HS6ST3: variants seen among roughly 807,000 people sequenced by gnomAD.
The protein encoded by HS6ST3 is heparan-sulfate 6-O-sulfotransferase 3.
Under a neutral mutation model 36.7 loss-of-function variants are expected in HS6ST3, and 12 were observed. That is an observed-to-expected ratio of 0.33 (90% confidence interval 0.21 to 0.53). The LOEUF is 0.53. HS6ST3 is among the 20% of genes least tolerant of loss of function. The pLI, the probability that HS6ST3 is intolerant of heterozygous loss-of-function variation, is 0.95. For synonymous variants in HS6ST3, 240 were observed against 257.5 expected, an observed-to-expected ratio of 0.93 and a Z score of 0.65; for missense variants, 584 against 640.9, an observed-to-expected ratio of 0.91 and a Z score of 0.96.
rs138431827 is a variant in HS6ST3 at position 96,655,696 on chromosome 13, A to T, written c.708-176794A>T. On this transcript the variant is annotated intron_variant, in intron 1 of 1. Coordinates refer to ENST00000376705, the MANE Select transcript of HS6ST3 (RefSeq NM_153456.4). ...AAACGTACTGTGGATAAAGAATGAAACAAAGTCACCAAATTCCTACTGATC... is the reference window on the plus strand; with the variant it reads ...AAACGTACTGTGGATAAAGAATGAATCAAAGTCACCAAATTCCTACTGATC... 8.0e-3 allele frequency among the ~76,000 whole-genome samples: 1,211 copies of T among 152,208 alleles called. 16 individuals are homozygous for T. Among genetic ancestry groups the T allele is most frequent in the African/African-American group, 0.027 (1,109 of 41,542 alleles).
At chr13:96,623,345 T>G (rs538406550) in intron 1 of HS6ST3, among the ~76,000 whole-genome samples, 1 of 152,106 alleles carries the variant, frequency 6.6e-6, no homozygotes, top group African/African-American at 2.4e-5. Flanking sequence ...CAGGGACAGA[T>G]CCTCATTTTT....
At chr13:96,649,576 A>G (rs2056600462) in intron 1 of HS6ST3, among the ~76,000 whole-genome samples, 1 of 152,176 alleles carries the variant, frequency 6.6e-6, no homozygotes. Flanking sequence ...CCAATTTGTC[A>G]GAAGGAAAGC....
rs4249235 is a variant in HS6ST3, at chr13:96,775,477, A to T, written c.708-57013A>T. On this transcript the variant is annotated intron_variant, in intron 1 of 1. Transcript: ENST00000376705. ...ACACACATAGGCTCAAAATAAAGGG[A>T]TGGAGGAAGATTTACCAAGCACATG... Among the ~76,000 whole-genome samples, 785 of 151,612 alleles carry T rather than the reference A, an allele frequency of 5.2e-3. 5 individuals are homozygous for T. Among genetic ancestry groups the T allele is most frequent in the African/African-American group, 0.017 (721 of 41,326 alleles).
intron 1 of HS6ST3, among the ~76,000 whole-genome samples, chr13:96,368,398 G>A (rs1340360132): frequency 2.0e-5 from 3 of 151,652 alleles, no homozygotes; most frequent in African/African-American, 4.8e-5. Flanking sequence ...TATTTGAAGA[G>A]GACATATTTA....
intron 1 of HS6ST3, among the ~76,000 whole-genome samples, chr13:96,151,413 A>T (rs2139323274): frequency 6.6e-6 from 1 of 152,252 alleles, no homozygotes; most frequent in Non-Finnish European, 1.5e-5. Flanking sequence ...TGGAAAAAAA[A>T]AAAAAAAAGA....
intron 1 of HS6ST3, among the ~76,000 whole-genome samples, chr13:96,160,621 A>G (rs892605789): frequency 2.0e-5 from 3 of 152,136 alleles, no homozygotes; most frequent in East Asian, 1.9e-4. Context: ...TTTAACTTCC[A>G]TTTACTCTGG....
intron 1 of HS6ST3, among the ~76,000 whole-genome samples, chr13:96,400,100 C>T: frequency 6.6e-6 from 1 of 151,618 alleles, no homozygotes; most frequent in East Asian, 1.9e-4. Flanking sequence ...GTGGGAGCCA[C>T]CTCTGCTTAT....
At chr13:96,808,641 C>G (rs1487044827) in intron 1 of HS6ST3, among the ~76,000 whole-genome samples, 1 of 152,040 alleles carries the variant, frequency 6.6e-6, no homozygotes, top group African/African-American at 2.4e-5. Context: ...CTCTTCTGAC[C>G]GATCCAGCAC....
At chr13:96,331,703 C>T (rs1566327620) in intron 1 of HS6ST3, among the ~76,000 whole-genome samples, 1 of 152,180 alleles carries the variant, frequency 6.6e-6, no homozygotes, top group Non-Finnish European at 1.5e-5. Context: ...CTGTGGTGGG[C>T]TCCACCCAGT....
intron 1 of HS6ST3, among the ~76,000 whole-genome samples, chr13:96,739,219 TTGTGTGTGTGTG>T (rs3138578): frequency 0.043 from 5,383 of 126,056 alleles, 136 homozygotes; most frequent in Non-Finnish European, 0.059. Flanking sequence ...CGACATTTGC[TTGTGTGTGTGTG>T]TGTGTGTGTG....
chr13:96,687,069 A>G (rs1228176063), intron 1 of HS6ST3, among the ~76,000 whole-genome samples: 3 of 132,202 alleles, frequency 2.3e-5, no homozygotes, highest in Admixed American at 8.4e-5. Flanking sequence ...TACCAAATAT[A>G]TACTGAAAAA....
At chr13:96,791,725 A>G (rs1332253921) in intron 1 of HS6ST3, among the ~76,000 whole-genome samples, 1 of 151,980 alleles carries the variant, frequency 6.6e-6, no homozygotes, top group Non-Finnish European at 1.5e-5. Context: ...TCATTTATCT[A>G]CTTGGATTTC....
At chr13:96,696,616 A>C (rs1875135761) in intron 1 of HS6ST3, among the ~76,000 whole-genome samples, 1 of 152,170 alleles carries the variant, frequency 6.6e-6, no homozygotes, top group South Asian at 2.1e-4. Flanking sequence ...CAGACTGAAA[A>C]GTGTGTTTCC....
intron 1 of HS6ST3, among the ~76,000 whole-genome samples, chr13:96,819,344 G>A (rs191397762): frequency 6.6e-6 from 1 of 152,244 alleles, no homozygotes; most frequent in East Asian, 1.9e-4. Context: ...AGAAATGAGT[G>A]TATTATTTAA....
chr13:96,663,348 T>C (rs2139020804), intron 1 of HS6ST3, among the ~76,000 whole-genome samples: 1 of 152,272 alleles, frequency 6.6e-6, no homozygotes, highest in Non-Finnish European at 1.5e-5. Context: ...GAAATTTGAG[T>C]AAGAATATTT....
intron 1 of HS6ST3, among the ~76,000 whole-genome samples, chr13:96,236,024 G>A (rs1366541134): frequency 6.6e-6 from 1 of 152,218 alleles, no homozygotes; most frequent in Non-Finnish European, 1.5e-5. Context: ...AAAGGCCAGA[G>A]AGTCCCTGGC....
At chr13:96,237,788 G>T (rs1360158075) in intron 1 of HS6ST3, among the ~76,000 whole-genome samples, 1 of 152,118 alleles carries the variant, frequency 6.6e-6, no homozygotes, top group African/African-American at 2.4e-5. Flanking sequence ...TCAGTGCTGG[G>T]TTTAGTTGAC....
At chr13:96,406,886 C>A (rs1476523667) in intron 1 of HS6ST3, among the ~76,000 whole-genome samples, 4 of 125,384 alleles carry the variant, frequency 3.2e-5, no homozygotes, top group African/African-American at 9.3e-5. Flanking sequence ...TCCATAATGA[C>A]CCATTTGATC....
intron 1 of HS6ST3, among the ~76,000 whole-genome samples, chr13:96,521,581 AG>A (rs1331231433): frequency 6.6e-6 from 1 of 151,992 alleles, no homozygotes; most frequent in Non-Finnish European, 1.5e-5. Flanking sequence ...TAGTGTTGGG[AG>A]GGTGTATGTG....
Sources: gnomAD v4.1 joint callset for allele counts (sites outside exome capture counted in the v4.1 genomes callset) on GRCh38, gnomAD v4.1.1 for gene constraint, MANE v1.5 for transcripts, NCBI Gene and HGNC (gene_info 2026-07-23, HGNC 2026-07-21) for gene names.